Variants in PCLO observed in about 807,000 individuals in gnomAD.
PCLO encodes protein piccolo.
In PCLO, 82 loss-of-function variants were observed where a neutral mutation model predicts 427.5. That is an observed-to-expected ratio of 0.19 (90% CI 0.16 to 0.23). The LOEUF (loss-of-function observed/expected upper bound fraction) is 0.23, where lower values mean the gene tolerates loss of function less well. Ranked by LOEUF, PCLO falls within the 10% of genes least tolerant of loss-of-function variation. PCLO has a pLI of 1.00. For synonymous variants in PCLO, 2,357 were observed against 2,155.4 expected (o/e 1.09, Z -2.59); for missense variants, 6,239 against 6,115.9 (o/e 1.02, Z -0.67).
intron 3 of PCLO, among the ~76,000 whole-genome samples, chr7:83,115,273 C>T (rs1452370885): frequency 2.0e-5 from 3 of 151,884 alleles, no homozygotes; most frequent in Non-Finnish European, 4.4e-5. Context: ...AAGAAAATTG[C>T]TTGTGAAGTA....
At chr7:83,147,394 T>C (rs1792022357) in intron 2 of PCLO, among the ~76,000 whole-genome samples, 1 of 152,140 alleles carries the variant, frequency 6.6e-6, no homozygotes, top group African/African-American at 2.4e-5. Context: ...ACAGAGATTA[T>C]CAGAGAATTG....
intron 22 of PCLO, among the ~76,000 whole-genome samples, chr7:82,775,922 C>A (rs1790740337): frequency 6.6e-6 from 1 of 151,942 alleles, no homozygotes; most frequent in South Asian, 2.1e-4. Context: ...TGTGGAGGTC[C>A]AATTGTTCCA....
At chr7:82,871,222 A>G (rs1793229227) in intron 10 of PCLO, among the ~76,000 whole-genome samples, 1 of 151,984 alleles carries the variant, frequency 6.6e-6, no homozygotes, top group Non-Finnish European at 1.5e-5. Flanking sequence ...TCATTAAGAG[A>G]TGAATGAGTA....
chr7:82,758,453 T>G lies in PCLO; in HGVS notation c.*122A>C. 1 of 691,764 alleles carries G rather than the reference T, an allele frequency of 1.4e-6. No individual in the cohort carries two copies. Among genetic ancestry groups the G allele is most frequent in the Non-Finnish European group, 2.3e-6 (1 of 426,852 alleles). The allele number at this position is 691,764 out of a possible 1,614,324, so 42.9% of individuals were successfully genotyped here. A position where few individuals can be genotyped will look rare whatever the true frequency, so the allele number is the denominator to read the frequency against. On this transcript the variant is annotated 3_prime_UTR_variant, in exon 25 of 25. Transcript: ENST00000333891. ...ATGTACAAGGTCTTAAGTATGTTTTTGCTTGTTGTTCCCACTCTTATGTTT... is the reference window on the plus strand; with the variant it reads ...ATGTACAAGGTCTTAAGTATGTTTTGGCTTGTTGTTCCCACTCTTATGTTT...
rs564915347 is a variant in PCLO, at chr7:83,107,633, TTAA to T, written c.3300+26614_3300+26616del. On this transcript the variant is annotated intron_variant, in intron 3 of 24. Transcript: ENST00000333891. The stretch of plus-strand genomic sequence containing the variant: ...CTTAACTAAAAACTAAAACCAGTTA[TTAA>T]TAATAATTAATACTAATAATTTATT... Among the ~76,000 whole-genome samples, 299 of 150,338 alleles carry T rather than the reference TTAA, an allele frequency of 2.0e-3. 2 individuals are homozygous for T. The highest frequency in any genetic ancestry group is 6.7e-3 in the African/African-American group (278 of 41,374).
intron 3 of PCLO, among the ~76,000 whole-genome samples, chr7:83,102,497 T>C (rs1790761090): frequency 6.6e-6 from 1 of 151,976 alleles, no homozygotes; most frequent in Admixed American, 6.6e-5. Context: ...ACTAGGTTGG[T>C]GGAAAAATAC....
Position 82,916,926 on chromosome 7 carries a change from C to A in PCLO, c.11113-53G>T. ...CTTTAGTATAAAGAAAAATAAAAACCAAATCTACTTCCATGAATTATATTT... is the reference window on the plus strand; with the variant it reads ...CTTTAGTATAAAGAAAAATAAAAACAAAATCTACTTCCATGAATTATATTT... On this transcript the variant is annotated intron_variant, in intron 6 of 24. Coordinates refer to ENST00000333891, the MANE Select transcript of PCLO (RefSeq NM_033026.6). 5 of 1,164,286 alleles carry A rather than the reference C, an allele frequency of 4.3e-6. No individual in the cohort carries two copies. The South Asian group carries it at 8.7e-5, about 20-fold the overall frequency. 72.1% of individuals were successfully genotyped at this position (1,164,286 alleles called of 1,614,324 possible). A position where few individuals can be genotyped will look rare whatever the true frequency, so the allele number is the denominator to read the frequency against.
chr7:83,000,542 A>T (rs1195697048), intron 3 of PCLO, among the ~76,000 whole-genome samples: 5 of 151,966 alleles, frequency 3.3e-5, no homozygotes, highest in African/African-American at 1.2e-4. Flanking sequence ...TGGTTTCAGG[A>T]TGAAACTGTT....
At chr7:82,924,031 G>A (rs542247692) in intron 6 of PCLO, among the ~76,000 whole-genome samples, 8 of 152,134 alleles carry the variant, frequency 5.3e-5, no homozygotes, top group African/African-American at 1.9e-4. Flanking sequence ...ACTCATGCAC[G>A]TGATATACTA....
intron 3 of PCLO, among the ~76,000 whole-genome samples, chr7:83,011,776 C>A (rs980118992): frequency 1.1e-4 from 16 of 151,760 alleles, no homozygotes; most frequent in African/African-American, 3.6e-4. Flanking sequence ...CACACACAGC[C>A]CAAAAAGCAA....
At chr7:83,133,799 C>A (rs1266273247) in intron 3 of PCLO, among the ~76,000 whole-genome samples, 1 of 151,920 alleles carries the variant, frequency 6.6e-6, no homozygotes, top group African/African-American at 2.4e-5. Flanking sequence ...TTCAACCAAA[C>A]AAACTTCTTT....
At chr7:82,920,017 G>C (rs1794560036) in intron 6 of PCLO, among the ~76,000 whole-genome samples, 1 of 151,716 alleles carries the variant, frequency 6.6e-6, no homozygotes, top group Non-Finnish European at 1.5e-5. Flanking sequence ...TAAGAGGACA[G>C]ACAGAAATAC....
intron 3 of PCLO, among the ~76,000 whole-genome samples, chr7:83,113,489 T>C (rs1291668189): frequency 6.6e-6 from 1 of 152,166 alleles, no homozygotes; most frequent in East Asian, 1.9e-4. Context: ...TCTTTACCAT[T>C]TGAAATGGGC....
chr7:82,842,488 T>C (rs370783026), intron 13 of PCLO, among the ~76,000 whole-genome samples: 2 of 152,028 alleles, frequency 1.3e-5, no homozygotes, highest in African/African-American at 4.8e-5. Flanking sequence ...TGACCAAAGA[T>C]TTTTTTGGAG....
At chr7:82,820,501 T>G in intron 20 of PCLO, 1 of 1,213,200 alleles carries the variant, frequency 8.2e-7, no homozygotes, top group Non-Finnish European at 1.0e-6. Flanking sequence ...AAAGATACTT[T>G]ATTTATTACA....
chr7:82,760,432 C>G (rs1452293830), intron 24 of PCLO, among the ~76,000 whole-genome samples: 1 of 151,864 alleles, frequency 6.6e-6, no homozygotes, highest in Non-Finnish European at 1.5e-5. Flanking sequence ...ACTCCACAGA[C>G]AGGGTAGAGA....
intron 3 of PCLO, among the ~76,000 whole-genome samples, chr7:83,097,580 G>A (rs1790624738): frequency 6.8e-6 from 1 of 147,588 alleles, no homozygotes; most frequent in African/African-American, 2.5e-5. Context: ...TATTTTATTT[G>A]TATTAGGTTA....
At chr7:83,147,255 T>A (rs148508660) in intron 2 of PCLO, among the ~76,000 whole-genome samples, 1 of 152,186 alleles carries the variant, frequency 6.6e-6, no homozygotes, top group African/African-American at 2.4e-5. Context: ...GTAAACGTAA[T>A]TAAATAATAC....
chr7:82,951,714 A>C, intron 5 of PCLO, 142 bp downstream of exon 5: 11 of 1,271,714 alleles, frequency 8.6e-6, no homozygotes, highest in Non-Finnish European at 9.5e-6. Context: ...GCGCACTTGT[A>C]CTCCAAAATA....
Sources: gnomAD v4.1 joint callset for allele counts (sites outside exome capture counted in the v4.1 genomes callset) on GRCh38, gnomAD v4.1.1 for gene constraint, MANE v1.5 for transcripts, NCBI Gene and HGNC (gene_info 2026-07-23, HGNC 2026-07-21) for gene names.